PTPRD: variants seen among roughly 807,000 people sequenced by gnomAD.
The protein encoded by PTPRD is receptor-type tyrosine-protein phosphatase delta.
A neutral mutation model predicts 214.5 loss-of-function variants in PTPRD; 34 were observed. The ratio of observed to expected loss-of-function variants is 0.16; its 90% CI spans 0.12 to 0.21. PTPRD has a LOEUF of 0.21. Ranked by LOEUF, PTPRD falls within the 10% of genes least tolerant of loss-of-function variation. PTPRD has a pLI of 1.00. For synonymous variants in PTPRD, 1,128 were observed against 845.7 expected (o/e 1.33, Z -5.79); for missense variants, 2,545 against 2,398.7 (o/e 1.06, Z -1.27).
chr9:9,492,747 A>G (rs147263974), intron 8 of PTPRD, among the ~76,000 whole-genome samples: 126 of 151,448 alleles, frequency 8.3e-4, no homozygotes, highest in African/African-American at 2.9e-3. Context: ...TTGGAGGTTT[A>G]TGACAACCCT....
At chr9:9,319,685 G>A (rs1042604790) in intron 9 of PTPRD, among the ~76,000 whole-genome samples, 1 of 152,130 alleles carries the variant, frequency 6.6e-6, no homozygotes. Context: ...AGAAGTCTGA[G>A]TTAAGTACTC....
intron 9 of PTPRD, among the ~76,000 whole-genome samples, chr9:9,191,988 T>C (rs1346924372): frequency 4.6e-5 from 7 of 152,056 alleles, no homozygotes; most frequent in African/African-American, 1.7e-4. Context: ...ATAAACTGAC[T>C]TCTACTTAAA....
intron 3 of PTPRD, among the ~76,000 whole-genome samples, chr9:10,228,910 C>G (rs2099598496): frequency 1.3e-5 from 2 of 151,658 alleles, no homozygotes; most frequent in Admixed American, 1.3e-4. Flanking sequence ...ACTGTAATTG[C>G]AAAATAGTGT....
At chr9:9,818,938 AG>A (rs1301094295) in intron 5 of PTPRD, among the ~76,000 whole-genome samples, 3 of 142,044 alleles carry the variant, frequency 2.1e-5, no homozygotes, top group Non-Finnish European at 4.5e-5. Context: ...AAAAAAAAAA[AG>A]TTCGTATGTA....
chr9:8,565,665 A>G (rs1382064464), intron 14 of PTPRD, among the ~76,000 whole-genome samples: 2 of 152,238 alleles, frequency 1.3e-5, no homozygotes, highest in South Asian at 2.1e-4. Flanking sequence ...AGGAAGGAAA[A>G]AAGAAAAAAT....
chr9:10,442,024 C>T (rs1169574224), intron 2 of PTPRD, among the ~76,000 whole-genome samples: 1 of 151,472 alleles, frequency 6.6e-6, no homozygotes, highest in Non-Finnish European at 1.5e-5. Context: ...TTAGTATACG[C>T]TAAATATAAA....
chr9:8,686,366 T>C (rs550167433), intron 12 of PTPRD, among the ~76,000 whole-genome samples: 10 of 152,316 alleles, frequency 6.6e-5, no homozygotes, highest in African/African-American at 2.4e-4. Context: ...CAAACCCACA[T>C]GTTGCATTTG....
chr9:8,789,278 A>G (rs762911659), intron 11 of PTPRD, among the ~76,000 whole-genome samples: 35 of 152,288 alleles, frequency 2.3e-4, no homozygotes, highest in Non-Finnish European at 3.8e-4. Flanking sequence ...AGCAGAAGCC[A>G]CCATAGCTGA....
At chr9:8,926,055 A>G (rs1332817349) in intron 11 of PTPRD, among the ~76,000 whole-genome samples, 1 of 151,918 alleles carries the variant, frequency 6.6e-6, no homozygotes, top group East Asian at 1.9e-4. Context: ...TATAGAAAGT[A>G]CCACCTCTTG....
intron 3 of PTPRD, among the ~76,000 whole-genome samples, chr9:10,336,781 G>T (rs1277096258): frequency 6.6e-6 from 1 of 151,658 alleles, no homozygotes; most frequent in Non-Finnish European, 1.5e-5. Context: ...AGGGGACACA[G>T]GGACTAGGGT....
At chr9:9,851,849 T>C (rs1296163330) in intron 5 of PTPRD, among the ~76,000 whole-genome samples, 5 of 152,204 alleles carry the variant, frequency 3.3e-5, no homozygotes, top group African/African-American at 7.2e-5. Context: ...TTACAAATCA[T>C]TGTCATAATA....
intron 9 of PTPRD, among the ~76,000 whole-genome samples, chr9:9,209,227 T>G (rs1372240504): frequency 1.3e-5 from 2 of 152,128 alleles, no homozygotes; most frequent in Non-Finnish European, 2.9e-5. Context: ...ACGGAGAAGA[T>G]AGAAATATAT....
At chr9:9,269,853 G>C (rs1459884149) in intron 9 of PTPRD, among the ~76,000 whole-genome samples, 1 of 151,286 alleles carries the variant, frequency 6.6e-6, no homozygotes, top group East Asian at 2.0e-4. Context: ...TGAGGTTGGG[G>C]GTGGTTGGGG....
chr9:9,906,871 T>C (rs1477787674), intron 5 of PTPRD, among the ~76,000 whole-genome samples: 3 of 151,992 alleles, frequency 2.0e-5, no homozygotes, highest in Non-Finnish European at 4.4e-5. Context: ...AAAATCTTGA[T>C]AGATTAATAT....
intron 36 of PTPRD, among the ~76,000 whole-genome samples, chr9:8,390,663 T>G (rs1341378284): frequency 1.3e-5 from 2 of 152,326 alleles, no homozygotes; most frequent in South Asian, 2.1e-4. Context: ...GAGATGTAAT[T>G]TAATGTAGAT....
intron 5 of PTPRD, among the ~76,000 whole-genome samples, chr9:9,825,085 G>A (rs932745903): frequency 2.9e-4 from 44 of 151,934 alleles, no homozygotes; most frequent in African/African-American, 9.9e-4. Context: ...AGTTTCAAAT[G>A]TGATCATCTG....
Position 9,754,258 on chromosome 9 carries a change from A to G in PTPRD, c.-326+12552T>C, listed in dbSNP as rs937846053. ...TATGACTTCCTGGTTCTAGTTTTCA[A>G]TCTTCCAGAGGGTACAAATTCTTAC... On this transcript the variant is annotated intron_variant, in intron 6 of 45. Transcript: ENST00000381196. 1.9e-4 allele frequency among the ~76,000 whole-genome samples: 29 copies of G among 152,190 alleles called. No homozygotes were observed. The East Asian group carries it at 2.1e-3, about 11-fold the overall frequency.
intron 11 of PTPRD, among the ~76,000 whole-genome samples, chr9:8,905,074 G>A (rs906432542): frequency 6.6e-6 from 1 of 152,164 alleles, no homozygotes; most frequent in Non-Finnish European, 1.5e-5. Context: ...ATACAAAAAT[G>A]AAAGAGAACA....
intron 8 of PTPRD, among the ~76,000 whole-genome samples, chr9:9,437,078 ACT>A (rs1483547810): frequency 2.6e-5 from 4 of 152,220 alleles, no homozygotes; most frequent in African/African-American, 4.8e-5. Context: ...AATGTAATAA[ACT>A]CTAATATTTT....
Sources: gnomAD v4.1 joint callset for allele counts (sites outside exome capture counted in the v4.1 genomes callset) on GRCh38, gnomAD v4.1.1 for gene constraint, MANE v1.5 for transcripts, NCBI Gene and HGNC (gene_info 2026-07-23, HGNC 2026-07-21) for gene names.